Variants in TENM4 observed in about 807,000 individuals in gnomAD.
TENM4 encodes teneurin-4.
Under a neutral mutation model 243.3 loss-of-function variants are expected in TENM4, and 82 were observed. The observed-to-expected ratio is 0.34, with a 90% CI of 0.28 to 0.40. TENM4 has a LOEUF of 0.40. TENM4 is among the 10% of genes least tolerant of loss of function. TENM4 has a pLI of 1.00. For missense variants in TENM4, 3,138 were observed against 3,673.3 expected (o/e 0.85, Z 3.77); for synonymous variants, 1,412 against 1,456.3 (o/e 0.97, Z 0.69).
At chr11:79,381,286 CT>C (rs1484372583) in intron 1 of TENM4, among the ~76,000 whole-genome samples, 1 of 151,180 alleles carries the variant, frequency 6.6e-6, no homozygotes, top group African/African-American at 2.4e-5. Context: ...GGAAAGCAGT[CT>C]TTATAGCCAA....
At chr11:79,057,705 C>T (rs1200959901) in intron 6 of TENM4, among the ~76,000 whole-genome samples, 4 of 152,186 alleles carry the variant, frequency 2.6e-5, no homozygotes, top group Non-Finnish European at 4.4e-5. Context: ...TAAAACAGTG[C>T]CTGGTACATA....
intron 12 of TENM4, among the ~76,000 whole-genome samples, chr11:78,843,346 G>T (rs569522188): frequency 6.6e-6 from 1 of 152,062 alleles, no homozygotes; most frequent in Admixed American, 6.5e-5. Flanking sequence ...ATTTAGTCAG[G>T]TGTGGTGGCA....
intron 4 of TENM4, among the ~76,000 whole-genome samples, chr11:79,142,851 A>G (rs560565509): frequency 1.3e-5 from 2 of 152,160 alleles, no homozygotes; most frequent in East Asian, 3.9e-4. Context: ...GAACTCATTT[A>G]CAACAAAGGT....
intron 3 of TENM4, among the ~76,000 whole-genome samples, chr11:79,172,198 C>T (rs1863060332): frequency 6.6e-6 from 1 of 152,156 alleles, no homozygotes. Flanking sequence ...AATGATCCTC[C>T]AGCCTCGGCC....
chr11:79,440,860 AGT>A lies in TENM4; in HGVS notation c.-674_-673del, dbSNP rs71050222. ...GCGGGTGTGTGCGCGCGCGTGTGTG[AGT>A]GTGTGTGTGTGTGTGTGTGTTTAAT... On this transcript the variant is annotated 5_prime_UTR_variant, in exon 1 of 34. Transcript: ENST00000278550. The surrounding 1 kb of genome is among the most constrained non-coding windows in gnomAD (Gnocchi z 4.7). 2,196 of 149,704 alleles carry A rather than the reference AGT, an allele frequency of 0.015. 38 individuals carry two copies. The highest frequency in any genetic ancestry group is 0.047 in the African/African-American group (1,897 of 40,570). The allele number at this position is 149,704 out of a possible 1,614,324, so 9.3% of individuals were successfully genotyped here. A position where few individuals can be genotyped will look rare whatever the true frequency, so the allele number is the denominator to read the frequency against.
intron 12 of TENM4, among the ~76,000 whole-genome samples, chr11:78,853,302 C>G (rs369644301): frequency 1.4e-4 from 22 of 152,120 alleles, no homozygotes; most frequent in Non-Finnish European, 2.8e-4. Context: ...GTTTTCTGAC[C>G]CGAACTGCCA....
chr11:79,187,588 T>C (rs1013518001), intron 3 of TENM4, among the ~76,000 whole-genome samples: 4 of 152,214 alleles, frequency 2.6e-5, no homozygotes, highest in African/African-American at 9.6e-5. Context: ...GGAATTTTAC[T>C]CAATTTGTTA....
intron 24 of TENM4, among the ~76,000 whole-genome samples, chr11:78,720,769 T>G (rs1859628515): frequency 6.6e-6 from 1 of 152,088 alleles, no homozygotes; most frequent in Non-Finnish European, 1.5e-5. Context: ...TGTCTCCACA[T>G]GCACACTTCC....
intron 1 of TENM4, among the ~76,000 whole-genome samples, chr11:79,364,535 C>T (rs1857644382): frequency 6.6e-6 from 1 of 152,108 alleles, no homozygotes; most frequent in Non-Finnish European, 1.5e-5. Context: ...CTGAATGAGG[C>T]CAATTTATTA....
intron 1 of TENM4, among the ~76,000 whole-genome samples, chr11:79,299,149 C>T (rs1038120714): frequency 2.0e-5 from 3 of 152,076 alleles, no homozygotes; most frequent in Non-Finnish European, 4.4e-5. Context: ...GAGTTGAAAG[C>T]GCTCATCCAT....
intron 2 of TENM4, among the ~76,000 whole-genome samples, chr11:79,268,130 G>T (rs959101938): frequency 6.6e-6 from 1 of 152,232 alleles, no homozygotes; most frequent in Non-Finnish European, 1.5e-5. Context: ...AGACAAGAGA[G>T]AACTTTCTCA....
In TENM4 at chr11:78,903,404, A is replaced by T. The variant is rs754203789; in HGVS notation, c.613T>A (p.Phe205Ile). The change falls in exon 7 of 34, where the codon TTC becomes ATC. Residue 205 changes from phenylalanine (F) to isoleucine (I), a missense_variant. By Grantham distance (21) the Phe-to-Ile change is conservative. Around this residue, in one of 2 missense-constraint regions of TENM4, gnomAD observed 671 missense variants for 614.1 expected, o/e 1.09. Transcript: ENST00000278550. ...GGGCTGGGGTTGCTCCTCGGCGTGA[A>T]GTTGCCCCGGTTCAGGGAGTTAATG... Reference protein sequence around the residue: ...ASINSLNRGNFTPRSNPSPAP... With the variant: ...ASINSLNRGNITPRSNPSPAP... The T allele has an allele frequency of 6.5e-7, 1 of 1,538,608 alleles. No individual in the cohort carries two copies. Among genetic ancestry groups the T allele is most frequent in the South Asian group, 1.2e-5 (1 of 83,324 alleles).
chr11:78,995,372 G>A (rs529987635), intron 6 of TENM4, among the ~76,000 whole-genome samples: 12 of 152,214 alleles, frequency 7.9e-5, no homozygotes, highest in Middle Eastern at 6.8e-3. Flanking sequence ...GAGGAGTGAC[G>A]TCCTGAAAAC....
At chr11:79,204,567 G>A (rs925923057) in intron 3 of TENM4, among the ~76,000 whole-genome samples, 2 of 152,056 alleles carry the variant, frequency 1.3e-5, no homozygotes, top group Non-Finnish European at 2.9e-5. Flanking sequence ...CCACTAGACT[G>A]GCAAAAACTA....
intron 2 of TENM4, among the ~76,000 whole-genome samples, chr11:79,284,762 T>C (rs921216462): frequency 1.3e-5 from 2 of 152,118 alleles, no homozygotes; most frequent in African/African-American, 4.8e-5. Flanking sequence ...AGTAAAAAGA[T>C]AACTCACAGA....
At chr11:79,152,937 C>T (rs575899201) in intron 3 of TENM4, among the ~76,000 whole-genome samples, 1 of 152,356 alleles carries the variant, frequency 6.6e-6, no homozygotes, top group Non-Finnish European at 1.5e-5. Context: ...AAGGTATACA[C>T]TGAACAAAAC....
chr11:78,812,543 G>A (rs12099212), intron 13 of TENM4, among the ~76,000 whole-genome samples: 6,062 of 152,256 alleles, frequency 0.04, 414 homozygotes, highest in African/African-American at 0.14. Context: ...GGCAGGGTAG[G>A]TATCCACTTA....
intron 6 of TENM4, among the ~76,000 whole-genome samples, chr11:78,929,464 G>A (rs77092298): frequency 6.6e-6 from 1 of 152,186 alleles, no homozygotes; most frequent in Non-Finnish European, 1.5e-5. Context: ...GTTCAGAAGA[G>A]AGACAAGAAG....
At chr11:78,938,504 C>T (rs1169807682) in intron 6 of TENM4, among the ~76,000 whole-genome samples, 1 of 151,958 alleles carries the variant, frequency 6.6e-6, no homozygotes, top group African/African-American at 2.4e-5. Context: ...CTCCGTGGTG[C>T]CCAGATTTGC....
Sources: gnomAD v4.1 joint callset for allele counts (sites outside exome capture counted in the v4.1 genomes callset) on GRCh38, gnomAD v4.1.1 for gene constraint, gnomAD v4.1.1 regional missense constraint, Gnocchi (gnomAD v3.1) non-coding constraint, MANE v1.5 for transcripts, NCBI Gene and HGNC (gene_info 2026-07-23, HGNC 2026-07-21) for gene names.